PAICS: variants seen among roughly 807,000 people sequenced by gnomAD.
PAICS encodes the protein phosphoribosylaminoimidazole carboxylase and phosphoribosylaminoimidazolesuccinocarboxamide synthase.
A neutral mutation model predicts 53.7 loss-of-function variants in PAICS; 33 were observed. The observed-to-expected ratio is 0.61, with a 90% CI of 0.47 to 0.82. The LOEUF is 0.82. Ranked by LOEUF, PAICS falls within the 40% of genes least tolerant of loss-of-function variation. The pLI, the probability that PAICS is intolerant of heterozygous loss-of-function variation, is 0.00. For missense variants in PAICS, 394 were observed against 494.1 expected (o/e 0.80, Z 1.92); for synonymous variants, 141 against 167.2 (o/e 0.84, Z 1.21).
chr4:56,428,936 T>G, the PAICS span: 1 of 933,888 alleles, frequency 1.1e-6, no homozygotes, highest in Non-Finnish European at 1.3e-6. Flanking sequence ...TGTTTTTATT[T>G]AAGAATTATT....
At chr4:56,433,845 T>A (rs1303719419), upstream of PAICS, among the ~76,000 whole-genome samples, 1 of 152,088 alleles carries the variant, frequency 6.6e-6, no homozygotes, top group Admixed American at 6.6e-5. Context: ...CAGGAGCGCA[T>A]CACCACACCC....
chr4:56,426,865 C>T, the PAICS span, among the ~76,000 whole-genome samples: 2 of 152,198 alleles, frequency 1.3e-5, no homozygotes, highest in Admixed American at 6.5e-5. Context: ...TCATTCCAAA[C>T]TGAAACTTCT....
intron 8 of PAICS, among the ~76,000 whole-genome samples, chr4:56,458,390 G>A (rs2110101150): frequency 6.6e-6 from 1 of 152,046 alleles, no homozygotes. Flanking sequence ...TACCTAGCGT[G>A]CTAACAATAG....
At chr4:56,419,170 C>T in the PAICS span, among the ~76,000 whole-genome samples, 2 of 151,906 alleles carry the variant, frequency 1.3e-5, no homozygotes, top group South Asian at 2.1e-4. Flanking sequence ...CAAAGGAAAT[C>T]GTAAGATAAA....
the PAICS span, among the ~76,000 whole-genome samples, chr4:56,415,305 C>T: frequency 1.2e-4 from 19 of 152,052 alleles, no homozygotes; most frequent in African/African-American, 3.9e-4. Flanking sequence ...GATACTTATC[C>T]GCCTCCCAAT....
At chr4:56,421,350 C>A in the PAICS span, 1 of 153,232 alleles carries the variant, frequency 6.5e-6, no homozygotes, top group Non-Finnish European at 1.5e-5. Flanking sequence ...TTATATATTA[C>A]AACGTAATAA....
chr4:56,451,809 C>A, intron 6 of PAICS, 63 bp from the exon 7 acceptor site: 1 of 1,031,560 alleles, frequency 9.7e-7, no homozygotes, highest in Non-Finnish European at 1.4e-6. Context: ...TTACTACAAA[C>A]TCTAGCTCAT....
chr4:56,435,789 C>A, upstream of PAICS: 1 of 1,511,824 alleles, frequency 6.6e-7, no homozygotes, highest in Non-Finnish European at 8.9e-7. Flanking sequence ...GCTGTATTTG[C>A]TGCACGTGGA....
intron 3 of PAICS, among the ~76,000 whole-genome samples, 172 bp downstream of exon 3, chr4:56,447,045 T>C (rs185153188): frequency 3.3e-5 from 5 of 149,988 alleles, no homozygotes; most frequent in African/African-American, 9.8e-5. Flanking sequence ...TACACTTCCA[T>C]TAACAATGAT....
chr4:56,410,899 T>TAAAA, the PAICS span: 128 of 678,524 alleles, frequency 1.9e-4, no homozygotes, highest in East Asian at 1.0e-3. Flanking sequence ...CCACTGAAGG[T>TAAAA]AAAAAAAAAA....
At chr4:56,455,842 T>G (rs1056361569) in intron 8 of PAICS, among the ~76,000 whole-genome samples, 6 of 152,184 alleles carry the variant, frequency 3.9e-5, no homozygotes, top group African/African-American at 1.4e-4. Flanking sequence ...GTTCTTAAAT[T>G]TTACACAGAT....
chr4:56,414,802 T>C, the PAICS span, among the ~76,000 whole-genome samples: 1 of 152,358 alleles, frequency 6.6e-6, no homozygotes, highest in Non-Finnish European at 1.5e-5. Context: ...CTGGGCCCTG[T>C]TTCTCTAAAG....
the PAICS span, among the ~76,000 whole-genome samples, chr4:56,412,253 C>T: frequency 3.9e-5 from 6 of 152,026 alleles, no homozygotes; most frequent in South Asian, 2.1e-4. Context: ...TAACTATGCA[C>T]GTTTAGTTAC....
At chr4:56,433,699 G>T (rs1054813253), upstream of PAICS, among the ~76,000 whole-genome samples, 3 of 141,452 alleles carry the variant, frequency 2.1e-5, no homozygotes, top group Admixed American at 1.5e-4. Context: ...AATAACAACT[G>T]TTTTTTTTTT....
At chr4:56,453,524 A>T in intron 7 of PAICS, 79 bp from the exon 8 acceptor site, 1 of 1,068,546 alleles carries the variant, frequency 9.4e-7, no homozygotes, top group Non-Finnish European at 1.3e-6. Context: ...TATAGGCCTT[A>T]AACCAAAAAA....
At position 56,459,798 on chromosome 4, in the gene PAICS, CTAT is replaced by C. The variant is rs1481674754; in HGVS notation, c.*262_*264del. On this transcript the variant is annotated 3_prime_UTR_variant, in exon 9 of 9. Coordinates refer to ENST00000512576, the MANE Select transcript of PAICS (RefSeq NM_001079524.2). Reference sequence around the variant, plus strand: ...TTTCCTTAAGTATTGGTGGTCACTACTATTGAGTTTCTTCCTTAACACTGATTA... The same window carrying C: ...TTTCCTTAAGTATTGGTGGTCACTACTGAGTTTCTTCCTTAACACTGATTA... 2 of 324,606 alleles carry C rather than the reference CTAT, an allele frequency of 6.2e-6. No individual in the cohort carries two copies. The highest frequency in any genetic ancestry group is 2.1e-5 in the African/African-American group (1 of 47,840). The allele number at this position is 324,606 out of a possible 1,614,324, so 20.1% of individuals were successfully genotyped here.
At chr4:56,451,767 TAAG>T in intron 6 of PAICS, 102 bp from the exon 7 acceptor site, 1 of 645,972 alleles carries the variant, frequency 1.5e-6, no homozygotes, top group Non-Finnish European at 2.5e-6. Context: ...TTTGATCTGT[TAAG>T]AAAGAAAATA....
At chr4:56,414,590 TAGG>T in the PAICS span, among the ~76,000 whole-genome samples, 9 of 152,234 alleles carry the variant, frequency 5.9e-5, no homozygotes, top group Non-Finnish European at 1.3e-4. Context: ...CCTACAGTTT[TAGG>T]ATTCATGCTG....
At position 56,463,692 on chromosome 4, in the gene PAICS, G is replaced by T. The variant is rs1303626607; in HGVS notation, c.*4154G>T. 9.7e-6 allele frequency: 1 copy of T among 102,612 alleles called. No homozygotes were observed. The highest frequency in any genetic ancestry group is 1.9e-5 in the Non-Finnish European group (1 of 53,616). 6.4% of individuals were successfully genotyped at this position (102,612 alleles called of 1,614,324 possible). A position where few individuals can be genotyped will look rare whatever the true frequency, so the allele number is the denominator to read the frequency against. On this transcript the variant is annotated 3_prime_UTR_variant, in exon 9 of 9. Coordinates refer to ENST00000512576, the MANE Select transcript of PAICS (RefSeq NM_001079524.2). Reference sequence around the variant, plus strand: ...TGGGCAACAAGAGCGAAAATCTGTCGCCAAAAAAAAAAAAAAAAAGATACT... The same window carrying T: ...TGGGCAACAAGAGCGAAAATCTGTCTCCAAAAAAAAAAAAAAAAAGATACT...
Sources: allele counts gnomAD v4.1 joint callset (sites outside exome capture counted in the v4.1 genomes callset), GRCh38; gene constraint gnomAD v4.1.1; transcripts MANE v1.5; gene names NCBI Gene and HGNC (gene_info 2026-07-23, HGNC 2026-07-21).